SLC39A11: variants seen among roughly 807,000 people sequenced by gnomAD.
The protein encoded by SLC39A11 is solute carrier family 39 member 11, also known as zinc transporter ZIP11.
In SLC39A11, 33 loss-of-function variants were observed where a neutral mutation model predicts 36.1. That is an observed-to-expected ratio of 0.91 (90% CI 0.69 to 1.22). SLC39A11 has a LOEUF of 1.22. Among genes scored for constraint, SLC39A11 ranks in the 50% most tolerant of loss-of-function variants. SLC39A11 has a pLI of 0.00. For missense variants in SLC39A11, 432 were observed against 430.3 expected (o/e 1.00, Z -0.03); for synonymous variants, 166 against 170.3 (o/e 0.97, Z 0.20).
chr17:73,060,210 C>CAAAAAAAAAAAAAAAAAAAGA (rs2059797398), intron 3 of SLC39A11, among the ~76,000 whole-genome samples: 1 of 70,350 alleles, frequency 1.4e-5, no homozygotes, highest in East Asian at 4.8e-4. Flanking sequence ...AACTCCATCT[C>CAAAAAAAAAAAAAAAAAAAGA]AAAAAAAAAA....
Position 73,008,154 on chromosome 17 carries a change from GT to G in SLC39A11, c.306+23401del, listed in dbSNP as rs888229456. Among the ~76,000 whole-genome samples, 232 of 96,530 alleles carry G rather than the reference GT, an allele frequency of 2.4e-3. 2 individuals carry two copies. The highest frequency in any genetic ancestry group is 8.3e-3 in the Middle Eastern group (1 of 120). The allele number at this position is 96,530 out of a possible 152,430, so 63.3% of individuals were successfully genotyped here. ...GAAACATTTGTTGTTGGGGTTTGTT[GT>G]TTTTTTTTTGTTTTTTTTTTTTTGA... On this transcript the variant is annotated intron_variant, in intron 4 of 9. Coordinates refer to ENST00000255559, the MANE Select transcript of SLC39A11 (RefSeq NM_139177.4).
chr17:72,933,961 G>A (rs8066649), intron 5 of SLC39A11, among the ~76,000 whole-genome samples: 67,864 of 151,516 alleles, frequency 0.45, 15,531 homozygotes, highest in African/African-American at 0.54. Context: ...TTACAAAAGC[G>A]AAAGGTTAAT....
chr17:72,880,337 G>A (rs774017172), intron 5 of SLC39A11, among the ~76,000 whole-genome samples: 3 of 152,150 alleles, frequency 2.0e-5, no homozygotes, highest in Non-Finnish European at 2.9e-5. Context: ...GGGAGGTTGA[G>A]GCAGATGGAT....
At chr17:72,992,989 C>G (rs1463486069) in intron 4 of SLC39A11, 2 of 152,192 alleles carry the variant, frequency 1.3e-5, no homozygotes, top group Non-Finnish European at 2.9e-5. Flanking sequence ...GGGAAACTCC[C>G]CCTTATAAAA....
intron 4 of SLC39A11, among the ~76,000 whole-genome samples, chr17:72,985,614 T>C (rs1163365110): frequency 2.0e-5 from 3 of 152,150 alleles, no homozygotes; most frequent in Non-Finnish European, 4.4e-5. Flanking sequence ...GGTTTCGCCA[T>C]GTTGGCCAGG....
rs530141879 is a variant in SLC39A11, at chr17:72,880,912, AC to A, written c.431-31109del. On this transcript the variant is annotated intron_variant, in intron 5 of 9. Coordinates refer to ENST00000255559, the MANE Select transcript of SLC39A11 (RefSeq NM_139177.4). ...AAGCCAGGATGATCTCAATCTCCTGACCTTGTGATCCGCCCACCTCGGCCTC... is the reference window on the plus strand; with the variant it reads ...AAGCCAGGATGATCTCAATCTCCTGACTTGTGATCCGCCCACCTCGGCCTC... Among the ~76,000 whole-genome samples, 35 of 57,324 alleles carry A rather than the reference AC, an allele frequency of 6.1e-4. 1 individual carries two copies. The South Asian group carries it at 0.017, about 28-fold the overall frequency. The allele number at this position is 57,324 out of a possible 152,430, so 37.6% of individuals were successfully genotyped here. A position where few individuals can be genotyped will look rare whatever the true frequency, so the allele number is the denominator to read the frequency against.
chr17:72,694,805 G>C (rs901521536), intron 7 of SLC39A11, among the ~76,000 whole-genome samples: 1 of 152,182 alleles, frequency 6.6e-6, no homozygotes, highest in African/African-American at 2.4e-5. Context: ...GTCATCCCAG[G>C]CTACTTTGCC....
intron 5 of SLC39A11, among the ~76,000 whole-genome samples, chr17:72,935,107 A>T (rs1355021022): frequency 6.6e-6 from 1 of 152,244 alleles, no homozygotes; most frequent in Admixed American, 6.5e-5. Context: ...AAAAATCAGG[A>T]AACAACACAA....
At chr17:72,931,558 C>T (rs767424283) in intron 5 of SLC39A11, among the ~76,000 whole-genome samples, 1 of 152,218 alleles carries the variant, frequency 6.6e-6, no homozygotes, top group African/African-American at 2.4e-5. Flanking sequence ...TTCCCAAATG[C>T]ACCAGATAGA....
intron 5 of SLC39A11, among the ~76,000 whole-genome samples, chr17:72,898,814 G>A (rs960649850): frequency 1.3e-5 from 2 of 152,204 alleles, no homozygotes; most frequent in Non-Finnish European, 2.9e-5. Context: ...GGCAGAACCA[G>A]GTCAAGAACC....
chr17:73,059,796 T>C (rs1250344584), intron 3 of SLC39A11, among the ~76,000 whole-genome samples: 1 of 152,042 alleles, frequency 6.6e-6, no homozygotes, highest in Non-Finnish European at 1.5e-5. Context: ...CACCCTAACG[T>C]AGAATGACAG....
At chr17:72,887,664 T>C (rs1156236628) in intron 5 of SLC39A11, among the ~76,000 whole-genome samples, 1 of 152,232 alleles carries the variant, frequency 6.6e-6, no homozygotes, top group Admixed American at 6.5e-5. Flanking sequence ...ATATAAAAGA[T>C]TGCTTATTTC....
At chr17:72,818,244 CCGAAAGGT>C (rs2077647924) in intron 6 of SLC39A11, among the ~76,000 whole-genome samples, 1 of 152,140 alleles carries the variant, frequency 6.6e-6, no homozygotes, top group Non-Finnish European at 1.5e-5. Flanking sequence ...TCATCTTGAC[CCGAAAGGT>C]CAAGCCACTG....
chr17:72,692,356 G>T (rs1381594842), intron 7 of SLC39A11, among the ~76,000 whole-genome samples: 1 of 152,168 alleles, frequency 6.6e-6, no homozygotes, highest in East Asian at 1.9e-4. Flanking sequence ...ACAATGATGA[G>T]GTGATGCATT....
At chr17:72,818,986 T>G (rs2077676098) in intron 6 of SLC39A11, 2 of 132,974 alleles carry the variant, frequency 1.5e-5, no homozygotes, top group African/African-American at 5.9e-5. Flanking sequence ...TATTATAAGG[T>G]TTTTTTTAAA....
chr17:73,035,441 A>G (rs1445295105), intron 3 of SLC39A11, among the ~76,000 whole-genome samples: 1 of 152,174 alleles, frequency 6.6e-6, no homozygotes, highest in Non-Finnish European at 1.5e-5. Context: ...CACCCGGCCA[A>G]AAAGTTATTT....
chr17:72,988,348 C>T (rs1039511830), intron 4 of SLC39A11, among the ~76,000 whole-genome samples: 2 of 152,152 alleles, frequency 1.3e-5, no homozygotes, highest in Non-Finnish European at 2.9e-5. Flanking sequence ...GCAATCCCAG[C>T]TACTTTGGAG....
At chr17:72,954,288 C>T (rs754138197) in intron 4 of SLC39A11, among the ~76,000 whole-genome samples, 10 of 152,160 alleles carry the variant, frequency 6.6e-5, no homozygotes, top group South Asian at 4.1e-4. Context: ...TCAAGTGATC[C>T]GAGGAAGGCA....
intron 1 of SLC39A11, among the ~76,000 whole-genome samples, chr17:73,091,226 G>A (rs1421359620): frequency 6.6e-6 from 1 of 152,100 alleles, no homozygotes. Context: ...TCAGGAGTTC[G>A]AGACCAGCCT....
Sources: allele counts gnomAD v4.1 joint callset (sites outside exome capture counted in the v4.1 genomes callset), GRCh38; gene constraint gnomAD v4.1.1; transcripts MANE v1.5; gene names NCBI Gene and HGNC (gene_info 2026-07-23, HGNC 2026-07-21).